The following WNT7A variants were observed in gnomAD, a reference collection of about 807,000 sequenced individuals.
WNT7A encodes the protein protein Wnt-7a.
WNT7A carries 16 observed loss-of-function variants against 28.2 expected under a neutral mutation model. The ratio of observed to expected loss-of-function variants is 0.57; its 90% confidence interval spans 0.38 to 0.86. The LOEUF (loss-of-function observed/expected upper bound fraction) is 0.86. Ranked by LOEUF, WNT7A falls within the 40% of genes least tolerant of loss-of-function variation. WNT7A has a pLI of 0.00. For synonymous variants in WNT7A, 190 were observed against 195.9 expected (o/e 0.97, Z 0.25); for missense variants, 411 against 489.7 (o/e 0.84, Z 1.52).
At position 13,848,250 on chromosome 3, in the gene WNT7A, T is replaced by A. The variant is rs530712149; in HGVS notation, c.570+6282A>T. Among the ~76,000 whole-genome samples the A allele has an allele frequency of 4.2e-3, 643 of 152,264 alleles. 5 individuals are homozygous for A. The highest frequency in any genetic ancestry group is 0.014 in the African/African-American group (594 of 41,558). ...TAAAACTTATCAAGGTTAAACACTT[T>A]TACTCTGTGAGAGACCCTATGAAGA... On this transcript the variant is annotated intron_variant, in intron 3 of 3. Coordinates refer to ENST00000285018, the MANE Select transcript of WNT7A (RefSeq NM_004625.4).
At chr3:13,842,790 T>G (rs1694483697) in intron 3 of WNT7A, among the ~76,000 whole-genome samples, 1 of 152,170 alleles carries the variant, frequency 6.6e-6, no homozygotes, top group South Asian at 2.1e-4. Context: ...CATGGGCCAG[T>G]AGACATCCTG....
intron 1 of WNT7A, among the ~76,000 whole-genome samples, chr3:13,876,321 G>A (rs1159034088): frequency 1.3e-5 from 2 of 152,236 alleles, no homozygotes; most frequent in African/African-American, 4.8e-5. Flanking sequence ...ATCCTGGGAA[G>A]AGGAGATGGC....
chr3:13,847,211 T>C (rs1341812641), intron 3 of WNT7A, among the ~76,000 whole-genome samples: 4 of 152,138 alleles, frequency 2.6e-5, no homozygotes, highest in Non-Finnish European at 5.9e-5. Context: ...TAGCTTCCTC[T>C]CTGGTCTAGT....
chr3:13,874,348 T>G (rs1695070253), intron 2 of WNT7A, among the ~76,000 whole-genome samples: 1 of 152,226 alleles, frequency 6.6e-6, no homozygotes, highest in African/African-American at 2.4e-5. Flanking sequence ...AAGTCAAATG[T>G]GTGGCTCAAA....
intron 3 of WNT7A, among the ~76,000 whole-genome samples, chr3:13,844,965 C>T (rs941657623): frequency 1.3e-5 from 2 of 152,300 alleles, no homozygotes; most frequent in African/African-American, 4.8e-5. Flanking sequence ...ATCCCCCTCC[C>T]GAGGACAAAG....
At chr3:13,834,290 G>T (rs1471368994) in intron 3 of WNT7A, among the ~76,000 whole-genome samples, 1 of 152,052 alleles carries the variant, frequency 6.6e-6, no homozygotes, top group African/African-American at 2.4e-5. Flanking sequence ...AGCTGTCTAG[G>T]GTTTTCCTTA....
At position 13,839,303 on chromosome 3, in the gene WNT7A, G is replaced by A. The variant is rs371143106; in HGVS notation, c.570+15229C>T. The stretch of plus-strand genomic sequence containing the variant: ...AGCTGCATTTCCACACATTCCCCAG[G>A]TGAATTTTGAGAAGCTGTGAAGAGC... On this transcript the variant is annotated intron_variant, in intron 3 of 3. Coordinates refer to ENST00000285018, the MANE Select transcript of WNT7A (RefSeq NM_004625.4). Among the ~76,000 whole-genome samples, 8 of 152,332 alleles carry A rather than the reference G, an allele frequency of 5.3e-5. 1 individual carries two copies. The highest frequency in any genetic ancestry group is 3.9e-4 in the East Asian group (2 of 5,186).
In WNT7A at chr3:13,870,314, C is replaced by T. The variant is rs532024818; in HGVS notation, c.298+4633G>A. On this transcript the variant is annotated intron_variant, in intron 2 of 3. Transcript: ENST00000285018. The stretch of plus-strand genomic sequence containing the variant: ...AAAGGAGACCAGGACACAAGAGATT[C>T]CTGGGGCACATATACAAGGGGAAAG... Among the ~76,000 whole-genome samples the T allele has an allele frequency of 2.0e-5, 3 of 152,248 alleles. No homozygotes were observed. The South Asian group carries it at 6.2e-4, about 32-fold the overall frequency.
At chr3:13,854,867 G>T in intron 2 of WNT7A, 64 bp from the exon 3 acceptor site, 1 of 1,600,820 alleles carries the variant, frequency 6.2e-7, no homozygotes. Context: ...GAGGAGGCTG[G>T]GCCTGACTGA....
intron 3 of WNT7A, among the ~76,000 whole-genome samples, chr3:13,851,271 C>T (rs1399618095): frequency 6.6e-6 from 1 of 152,216 alleles, no homozygotes; most frequent in Non-Finnish European, 1.5e-5. Flanking sequence ...GACAAAGTCC[C>T]ACTCCTTGTT....
intron 3 of WNT7A, among the ~76,000 whole-genome samples, chr3:13,829,472 G>T (rs986191794): frequency 6.6e-6 from 1 of 152,200 alleles, no homozygotes; most frequent in African/African-American, 2.4e-5. Context: ...CGCCCAGCCT[G>T]TGGGAACTTT....
chr3:13,856,056 C>T (rs1267132507), intron 2 of WNT7A, among the ~76,000 whole-genome samples: 1 of 152,124 alleles, frequency 6.6e-6, no homozygotes, highest in Non-Finnish European at 1.5e-5. Context: ...ACAACTTGTC[C>T]CCCCACCCCA....
chr3:13,828,575 G>C (rs1694233656), intron 3 of WNT7A, among the ~76,000 whole-genome samples: 1 of 152,176 alleles, frequency 6.6e-6, no homozygotes, highest in Admixed American at 6.5e-5. Flanking sequence ...CAAGTTGATG[G>C]GTTTTAAGCC....
chr3:13,847,019 G>A (rs932991577), intron 3 of WNT7A, among the ~76,000 whole-genome samples: 1 of 152,146 alleles, frequency 6.6e-6, no homozygotes, highest in South Asian at 2.1e-4. Flanking sequence ...CTACCCATGC[G>A]GCCTCTCTTA....
At chr3:13,869,116 G>C (rs948287699) in intron 2 of WNT7A, among the ~76,000 whole-genome samples, 28 of 148,944 alleles carry the variant, frequency 1.9e-4, no homozygotes, top group Non-Finnish European at 3.6e-4. Flanking sequence ...GGGAGAGAGA[G>C]GGAGGGAGGA....
At chr3:13,847,146 C>T (rs1694550146) in intron 3 of WNT7A, among the ~76,000 whole-genome samples, 2 of 152,198 alleles carry the variant, frequency 1.3e-5, no homozygotes, top group Admixed American at 6.5e-5. Context: ...AACCTCAGGC[C>T]TCGTGGGCAC....
intron 2 of WNT7A, among the ~76,000 whole-genome samples, chr3:13,871,914 C>T (rs1288870944): frequency 6.6e-6 from 1 of 152,204 alleles, no homozygotes; most frequent in African/African-American, 2.4e-5. Context: ...TGCTGCACCA[C>T]CCAGCTCCTG....
intron 3 of WNT7A, among the ~76,000 whole-genome samples, chr3:13,847,162 G>A (rs184563152): frequency 4.6e-5 from 7 of 152,280 alleles, no homozygotes; most frequent in Admixed American, 4.6e-4. Context: ...GGCACCCTCC[G>A]CCCCAGCCTG....
At chr3:13,838,179 A>G (rs1435919513) in intron 3 of WNT7A, among the ~76,000 whole-genome samples, 1 of 152,222 alleles carries the variant, frequency 6.6e-6, no homozygotes, top group East Asian at 1.9e-4. Context: ...GAAATAACCA[A>G]TTTCTCAGTG....
Sources: allele counts gnomAD v4.1 joint callset (sites outside exome capture counted in the v4.1 genomes callset), GRCh38; gene constraint gnomAD v4.1.1; transcripts MANE v1.5; gene names NCBI Gene and HGNC (gene_info 2026-07-23, HGNC 2026-07-21).